CELSR1: variants seen among roughly 807,000 people sequenced by gnomAD.
CELSR1 encodes the protein cadherin EGF LAG seven-pass G-type receptor 1.
CELSR1 carries 110 observed loss-of-function variants against 249.1 expected under a neutral mutation model. The observed-to-expected ratio is 0.44, with a 90% CI of 0.38 to 0.52. CELSR1 has a LOEUF of 0.52. Among genes scored for constraint, CELSR1 ranks in the 20% least tolerant of loss-of-function variants. The probability of loss-of-function intolerance (pLI) is 0.00; values close to 1 mark genes in which losing one functional copy is unlikely to be tolerated. For synonymous variants in CELSR1, 2,113 were observed against 1,900.0 expected, an observed-to-expected ratio of 1.11 and a Z score of -2.92; for missense variants, 4,109 against 4,296.4, an observed-to-expected ratio of 0.96 and a Z score of 1.22.
intron 24 of CELSR1, among the ~76,000 whole-genome samples, chr22:46,373,440 C>G (rs932793765): frequency 2.7e-5 from 4 of 145,472 alleles, no homozygotes; most frequent in Admixed American, 2.0e-4. Context: ...AGCTTCACAC[C>G]CAGTGCTCGG....
rs2147804454 is a variant in CELSR1, at chr22:46,526,434, C to T, written c.3544+7193G>A. Among the ~76,000 whole-genome samples, 1 of 152,304 alleles carries T rather than the reference C, an allele frequency of 6.6e-6. No homozygotes were observed. Among genetic ancestry groups the T allele is most frequent in the East Asian group, 1.9e-4 (1 of 5,180 alleles). ...CTGTCCCCATGACACCCTGCCTTCC[C>T]TCTGAGGCTGGGTCCTGTTCCCATC... is the stretch of plus-strand genomic sequence containing the variant. On this transcript the variant is annotated intron_variant, in intron 1 of 34. Transcript: ENST00000674500. The surrounding 1 kb of genome is among the most constrained non-coding windows in gnomAD (Gnocchi z 4.7).
Position 46,436,194 on chromosome 22 carries a change from A to G in CELSR1, c.4502T>C (p.Val1501Ala). Reference protein sequence around the residue: ...FIALEIVDEQVQLTFSAGETT... With the variant: ...FIALEIVDEQAQLTFSAGETT... Reference sequence around the variant, plus strand: ...CCCACCTGCAGAGAAGGTGAGCTGCACCTGCTCGTCCACGATCTCCAGGGC... The same window carrying G: ...CCCACCTGCAGAGAAGGTGAGCTGCGCCTGCTCGTCCACGATCTCCAGGGC... Residue 1501 changes from valine (V) to alanine (A), a missense_variant, in exon 4 of 35, where the codon GTG becomes GCG. Transcript: ENST00000674500. This position sits in a 1 kb window ranked among gnomAD's most constrained non-coding sequence, Gnocchi z 5.9. 6.2e-7 allele frequency: 1 copy of G among 1,610,400 alleles called. No homozygotes were observed. The highest frequency in any genetic ancestry group is 8.5e-7 in the Non-Finnish European group (1 of 1,176,842).
At position 46,447,602 on chromosome 22, in the gene CELSR1, G is replaced by A. The variant is rs973823575; in HGVS notation, c.4184-8191C>T. ...CTCCCCCTCTCCCCGTAGGAGGGAC[G>A]CAGGGCTCAGCTTCCTGGCTATAGT... On this transcript the variant is annotated intron_variant, in intron 2 of 34. Coordinates refer to ENST00000674500, the MANE Select transcript of CELSR1 (RefSeq NM_001378328.1). The surrounding 1 kb of genome is among the most constrained non-coding windows in gnomAD (Gnocchi z 4.7). Among the ~76,000 whole-genome samples, 2 of 152,146 alleles carry A rather than the reference G, an allele frequency of 1.3e-5. No homozygotes were observed. Among genetic ancestry groups the A allele is most frequent in the Non-Finnish European group, 2.9e-5 (2 of 68,022 alleles).
chr22:46,396,507 T>A lies in CELSR1; in HGVS notation c.5843+98A>T, dbSNP rs1346932377. On this transcript the variant is annotated intron_variant, in intron 13 of 34. Transcript: ENST00000674500. This position sits in a 1 kb window ranked among gnomAD's most constrained non-coding sequence, Gnocchi z 6.4. ...TGTCCCTGTTACCCAGAATCACACA[T>A]ATCTTTGGGTCAAAATAAGAAAGAG... 1 of 1,288,094 alleles carries A rather than the reference T, an allele frequency of 7.8e-7. No homozygotes were observed. Among genetic ancestry groups the A allele is most frequent in the Non-Finnish European group, 1.0e-6 (1 of 991,068 alleles). The allele number at this position is 1,288,094 out of a possible 1,614,324, so 79.8% of individuals were successfully genotyped here.
rs1187812712 is a variant in CELSR1, at chr22:46,391,611, G to A, written c.6148+22C>T. ...CCTGTCCCCGCGCTGTAACCTGCAG[G>A]GTGTCGAGGGGCAACGCGGACCTTC... On this transcript the variant is annotated intron_variant, in intron 15 of 34. Transcript: ENST00000674500. The surrounding 1 kb of genome is among the most constrained non-coding windows in gnomAD (Gnocchi z 4.3). The A allele has an allele frequency of 1.3e-6, 2 of 1,569,300 alleles. No homozygotes were observed. The highest frequency in any genetic ancestry group is 1.7e-6 in the Non-Finnish European group (2 of 1,163,866).
chr22:46,379,487 T>A (rs2078954080), intron 22 of CELSR1, among the ~76,000 whole-genome samples: 1 of 152,232 alleles, frequency 6.6e-6, no homozygotes, highest in African/African-American at 2.4e-5. Flanking sequence ...GAGCTGGAGC[T>A]AATTGCCAGG....
chr22:46,527,267 A>C lies in CELSR1; in HGVS notation c.3544+6360T>G, dbSNP rs904735543. Among the ~76,000 whole-genome samples, 2 of 151,706 alleles carry C rather than the reference A, an allele frequency of 1.3e-5. No individual in the cohort carries two copies. The highest frequency in any genetic ancestry group is 2.9e-5 in the Non-Finnish European group (2 of 67,906). ...TAAGCTGGCAAAGCCCTCCTCAGCC[A>C]CCCCCATGCTGGAGCAAGCATGATG... is the stretch of plus-strand genomic sequence containing the variant. On this transcript the variant is annotated intron_variant, in intron 1 of 34. Transcript: ENST00000674500. The surrounding 1 kb of genome is among the most constrained non-coding windows in gnomAD (Gnocchi z 5.5).
rs1827907923 is a variant in CELSR1, at chr22:46,366,906, G to A, written c.8205+87C>T. The A allele has an allele frequency of 3.3e-6, 5 of 1,504,788 alleles. No individual in the cohort carries two copies. In the South Asian group the frequency reaches 6.4e-5, roughly 19 times the overall value. 93.2% of individuals were successfully genotyped at this position (1,504,788 alleles called of 1,614,324 possible). Reference sequence around the variant, plus strand: ...CACCGTGAGGGGCATACGGGCCGCAGGACTGGGGCTGAGGCTCGATCACCC... The same window carrying A: ...CACCGTGAGGGGCATACGGGCCGCAAGACTGGGGCTGAGGCTCGATCACCC... On this transcript the variant is annotated intron_variant, in intron 29 of 34. Transcript: ENST00000674500.
rs1481392185 is a variant in CELSR1 at position 46,406,305 on chromosome 22, A to G, written c.5226+2691T>C. ...TGGGGCTGCCTGGGAGACTCATGAA[A>G]TTACAGGTTAACAAGGGCCCACAGG... On this transcript the variant is annotated intron_variant, in intron 9 of 34. Coordinates refer to ENST00000674500, the MANE Select transcript of CELSR1 (RefSeq NM_001378328.1). The surrounding 1 kb of genome is among the most constrained non-coding windows in gnomAD (Gnocchi z 5.4). 6.6e-6 allele frequency among the ~76,000 whole-genome samples: 1 copy of G among 152,198 alleles called. No individual in the cohort carries two copies. The highest frequency in any genetic ancestry group is 1.5e-5 in the Non-Finnish European group (1 of 68,034).
At chr22:46,521,100 C>T (rs112051924) in intron 1 of CELSR1, among the ~76,000 whole-genome samples, 4 of 152,348 alleles carry the variant, frequency 2.6e-5, no homozygotes, top group African/African-American at 9.6e-5. Flanking sequence ...TGCAACTGAA[C>T]CACATGTTGC....
chr22:46,493,804 CT>C (rs2080389842), intron 1 of CELSR1, among the ~76,000 whole-genome samples: 1 of 152,130 alleles, frequency 6.6e-6, no homozygotes, highest in South Asian at 2.1e-4. Context: ...TAAGATGTGA[CT>C]TTGATCCTCC....
rs373156035 is a variant in CELSR1, at chr22:46,388,913, C to T, written c.6555+377G>A. 7.9e-5 allele frequency among the ~76,000 whole-genome samples: 12 copies of T among 152,340 alleles called. No individual in the cohort carries two copies. The East Asian group carries it at 2.3e-3, about 29-fold the overall frequency. On this transcript the variant is annotated intron_variant, in intron 18 of 34. Transcript: ENST00000674500. ...CTGTGCCTTTGGGCAAACGCCTTAG[C>T]TCTCTGTGCCTCTGTTTCCTTACCT...
Position 46,366,982 on chromosome 22 carries a change from G to T in CELSR1, c.8205+11C>A. ...AGCCCCCAGTCCCGCGGTGTCCCCG[G>T]CGCCTCCTACCGTCAGCAGGGTGGC... On this transcript the variant is annotated intron_variant, in intron 29 of 34. Coordinates refer to ENST00000674500, the MANE Select transcript of CELSR1 (RefSeq NM_001378328.1). 1 of 1,606,920 alleles carries T rather than the reference G, an allele frequency of 6.2e-7. No individual in the cohort carries two copies.
chr22:46,536,206 C>G lies in CELSR1; in HGVS notation c.965G>C (p.Arg322Thr). 6.2e-7 allele frequency: 1 copy of G among 1,612,782 alleles called. No individual in the cohort carries two copies. Among genetic ancestry groups the G allele is most frequent in the Non-Finnish European group, 8.5e-7 (1 of 1,179,990 alleles). Residue 322 changes from arginine (R) to threonine (T), a missense_variant, in exon 1 of 35, where the codon AGG becomes ACG. Arg to Thr is a moderately conservative substitution (Grantham distance 71, BLOSUM62 -1). Coordinates refer to ENST00000674500, the MANE Select transcript of CELSR1 (RefSeq NM_001378328.1). ...DRETKETHVL[R>T]VKAVDYSTPP... Reference sequence around the variant, plus strand: ...CGTACTGTAGTCCACGGCTTTCACCCTGAGGACGTGCGTCTCCTTGGTCTC... The same window carrying G: ...CGTACTGTAGTCCACGGCTTTCACCGTGAGGACGTGCGTCTCCTTGGTCTC...
In CELSR1 at chr22:46,399,379, G is replaced by C. The variant is rs1429784476; in HGVS notation, c.5412+338C>G. On this transcript the variant is annotated intron_variant, in intron 10 of 34. Transcript: ENST00000674500. The surrounding 1 kb of genome is among the most constrained non-coding windows in gnomAD (Gnocchi z 5.0). ...CACGGGCCCCAGCATTGCTACTTCA[G>C]TACCCTAAAGACATGGTGCTGAGCC... 6.6e-6 allele frequency among the ~76,000 whole-genome samples: 1 copy of C among 152,192 alleles called. No homozygotes were observed. Among genetic ancestry groups the C allele is most frequent in the Non-Finnish European group, 1.5e-5 (1 of 68,038 alleles).
At chr22:46,507,706 G>A (rs1356715322) in intron 1 of CELSR1, among the ~76,000 whole-genome samples, 1 of 152,138 alleles carries the variant, frequency 6.6e-6, no homozygotes, top group African/African-American at 2.4e-5. Context: ...CCTGAAACTT[G>A]CTGGCTGTGC....
At chr22:46,503,917 C>G (rs1295199620) in intron 1 of CELSR1, among the ~76,000 whole-genome samples, 1 of 152,002 alleles carries the variant, frequency 6.6e-6, no homozygotes, top group South Asian at 2.1e-4. Flanking sequence ...ATCCGTAGTC[C>G]CAGCTACTCA....
At position 46,417,470 on chromosome 22, in the gene CELSR1, A is replaced by C. The variant is rs761674008; in HGVS notation, c.4612-5711T>G. Among the ~76,000 whole-genome samples the C allele has an allele frequency of 1.3e-5, 2 of 152,116 alleles. No individual in the cohort carries two copies. Among genetic ancestry groups the C allele is most frequent in the African/African-American group, 4.8e-5 (2 of 41,416 alleles). On this transcript the variant is annotated intron_variant, in intron 5 of 34. Coordinates refer to ENST00000674500, the MANE Select transcript of CELSR1 (RefSeq NM_001378328.1). The surrounding 1 kb of genome is among the most constrained non-coding windows in gnomAD (Gnocchi z 4.1). Reference sequence around the variant, plus strand: ...TCCGCCAGGTAGCCACCCTCTACACAGGGGCTGCCGGCTGCTTTTGATGAC... The same window carrying C: ...TCCGCCAGGTAGCCACCCTCTACACCGGGGCTGCCGGCTGCTTTTGATGAC...
Position 46,441,152 on chromosome 22 carries a change from C to CAA in CELSR1, c.4184-1743_4184-1742dup, listed in dbSNP as rs553328237. 4.3e-4 allele frequency among the ~76,000 whole-genome samples: 46 copies of CAA among 106,516 alleles called. No individual in the cohort carries two copies. The highest frequency in any genetic ancestry group is 1.9e-3 in the Admixed American group (20 of 10,420). 69.9% of individuals were successfully genotyped at this position (106,516 alleles called of 152,430 possible). A position where few individuals can be genotyped will look rare whatever the true frequency, so the allele number is the denominator to read the frequency against. On this transcript the variant is annotated intron_variant, in intron 2 of 34. Transcript: ENST00000674500. The surrounding 1 kb of genome is among the most constrained non-coding windows in gnomAD (Gnocchi z 6.1). Reference sequence around the variant, plus strand: ...TAGGTGCCAGAGCGAGACTTCATTTCAAAAAAAAAAAAAAAAGAGAGACTG... The same window carrying CAA: ...TAGGTGCCAGAGCGAGACTTCATTTCAAAAAAAAAAAAAAAAAAGAGAGACTG...
Sources: allele counts gnomAD v4.1 joint callset (sites outside exome capture counted in the v4.1 genomes callset), GRCh38; gene constraint gnomAD v4.1.1; non-coding constraint Gnocchi (gnomAD v3.1); transcripts MANE v1.5; gene names NCBI Gene and HGNC (gene_info 2026-07-23, HGNC 2026-07-21).